The following SHLD1 variants were observed in gnomAD, a reference collection of about 807,000 sequenced individuals.
SHLD1 encodes the protein RINN1-REV7-interacting novel NHEJ regulator 3.
SHLD1 carries 3 observed loss-of-function variants against 5.5 expected under a neutral mutation model. The observed-to-expected ratio is 0.54, with a 90% CI of 0.25 to 1.40. The LOEUF is 1.40. SHLD1 is among the 40% of genes most tolerant of loss of function. The pLI is 0.15. For synonymous variants in SHLD1, 92 were observed against 94.3 expected (o/e 0.98, Z 0.14); for missense variants, 210 against 244.4 (o/e 0.86, Z 0.94).
intron 2 of SHLD1, among the ~76,000 whole-genome samples, chr20:5,836,084 G>T (rs963744997): frequency 1.3e-5 from 2 of 150,968 alleles, no homozygotes; most frequent in Non-Finnish European, 2.9e-5. Context: ...TCGTTGCCTT[G>T]ACAACTGGTT....
In SHLD1 at chr20:5,863,425, C is replaced by T. The variant is rs183136658; in HGVS notation, c.580C>T (p.His194Tyr). The change falls in exon 3 of 3, where the codon CAT becomes TAT. Residue 194 changes from histidine to tyrosine, a missense_variant. Physicochemically the swap from His to Tyr is moderately conservative, Grantham distance 83. Coordinates refer to ENST00000303142, the MANE Select transcript of SHLD1 (RefSeq NM_152504.4). ...PNPGLSKDIT[H>Y]FLLQQNVMKD... ...CCCAGGACTGTCAAAGGATATTACT[C>T]ATTTCCTCTTGCAGCAGAATGTAAT... is the stretch of plus-strand genomic sequence containing the variant. 6.2e-7 allele frequency: 1 copy of T among 1,610,760 alleles called. No individual in the cohort carries two copies. Among genetic ancestry groups the T allele is most frequent in the Non-Finnish European group, 8.5e-7 (1 of 1,178,550 alleles).
intron 2 of SHLD1, among the ~76,000 whole-genome samples, chr20:5,784,672 G>A (rs1263734381): frequency 2.6e-5 from 4 of 151,858 alleles, no homozygotes; most frequent in East Asian, 1.9e-4. Context: ...GGTTGGTCTC[G>A]ATCGCCTGAC....
intron 2 of SHLD1, among the ~76,000 whole-genome samples, chr20:5,785,721 G>A (rs2087050210): frequency 6.6e-6 from 1 of 151,386 alleles, no homozygotes; most frequent in African/African-American, 2.4e-5. Flanking sequence ...GCTTGAACCC[G>A]GGAGACAGAG....
chr20:5,862,881 T>TCGG, intron 2 of SHLD1, 143 bp from the exon 3 acceptor site: 2 of 726,308 alleles, frequency 2.8e-6, no homozygotes, highest in South Asian at 1.9e-5. Context: ...AGAACAGATT[T>TCGG]TGAAATCAGC....
intron 2 of SHLD1, among the ~76,000 whole-genome samples, chr20:5,803,913 G>A (rs967270614): frequency 2.5e-4 from 38 of 151,318 alleles, no homozygotes; most frequent in African/African-American, 8.7e-4. Flanking sequence ...AAACAAGAAT[G>A]ACGAAAGAGC....
At chr20:5,792,227 C>T (rs2087151210) in intron 2 of SHLD1, among the ~76,000 whole-genome samples, 2 of 152,106 alleles carry the variant, frequency 1.3e-5, no homozygotes, top group Non-Finnish European at 2.9e-5. Flanking sequence ...GCTTTTGTTT[C>T]CTGTACTTTC....
rs1202081204 is a variant in SHLD1, at chr20:5,789,199, A to G, written c.178+16156A>G. On this transcript the variant is annotated intron_variant, in intron 2 of 2. Transcript: ENST00000303142. Reference sequence around the variant, plus strand: ...ATTTTTCTTTATACGTTTGCCAATAAAAGTTGTGCTTTTTTTTTTTTTTTT... The same window carrying G: ...ATTTTTCTTTATACGTTTGCCAATAGAAGTTGTGCTTTTTTTTTTTTTTTT... 5.0e-5 allele frequency among the ~76,000 whole-genome samples: 4 copies of G among 80,338 alleles called. No homozygotes were observed. In the East Asian group the frequency reaches 1.7e-3, roughly 35 times the overall value. The allele number at this position is 80,338 out of a possible 152,430, so 52.7% of individuals were successfully genotyped here.
intron 2 of SHLD1, among the ~76,000 whole-genome samples, chr20:5,790,228 G>A (rs2087119574): frequency 6.6e-6 from 1 of 152,140 alleles, no homozygotes; most frequent in Non-Finnish European, 1.5e-5. Flanking sequence ...CTCCCAGGGA[G>A]CCTGAAACTT....
At chr20:5,821,558 A>G (rs2122413194) in intron 2 of SHLD1, among the ~76,000 whole-genome samples, 1 of 152,172 alleles carries the variant, frequency 6.6e-6, no homozygotes, top group East Asian at 1.9e-4. Flanking sequence ...AGTATACTGG[A>G]TATTGAGGGA....
At chr20:5,754,974 T>G (rs1983983824) in intron 1 of SHLD1, among the ~76,000 whole-genome samples, 1 of 151,886 alleles carries the variant, frequency 6.6e-6, no homozygotes, top group Non-Finnish European at 1.5e-5. Flanking sequence ...GAGAATTGGT[T>G]GAACCTGGGA....
At chr20:5,850,682 T>C (rs1039349628) in intron 2 of SHLD1, among the ~76,000 whole-genome samples, 27 of 152,048 alleles carry the variant, frequency 1.8e-4, no homozygotes, top group African/African-American at 4.8e-4. Flanking sequence ...AGCTAATTTT[T>C]GTATTTTTAG....
intron 2 of SHLD1, among the ~76,000 whole-genome samples, chr20:5,791,369 G>C (rs1401010267): frequency 6.6e-6 from 1 of 152,044 alleles, no homozygotes; most frequent in Non-Finnish European, 1.5e-5. Context: ...TTCAAGACCA[G>C]TCTGGGTAAC....
At chr20:5,768,313 G>A (rs1197997402) in intron 1 of SHLD1, among the ~76,000 whole-genome samples, 1 of 152,172 alleles carries the variant, frequency 6.6e-6, no homozygotes, top group East Asian at 1.9e-4. Context: ...ATACGCTGTG[G>A]CACTGTGCTT....
chr20:5,764,498 A>G (rs2122213331), intron 1 of SHLD1, among the ~76,000 whole-genome samples: 1 of 144,404 alleles, frequency 6.9e-6, no homozygotes, highest in Admixed American at 7.3e-5. Context: ...ATTCAAGACC[A>G]GCCTGGGCAA....
chr20:5,836,509 G>A lies in SHLD1; in HGVS notation c.179-26515G>A, dbSNP rs535733350. ...TTGCTCCCATGGCTCTAGCCACAGT[G>A]GCCTCTCATCCTTGCAAAGCTGTTC... On this transcript the variant is annotated intron_variant, in intron 2 of 2. Transcript: ENST00000303142. 3.3e-5 allele frequency among the ~76,000 whole-genome samples: 5 copies of A among 152,278 alleles called. No individual in the cohort carries two copies. In the South Asian group the frequency reaches 6.2e-4, roughly 19 times the overall value.
At position 5,858,493 on chromosome 20, in the gene SHLD1, C is replaced by T. The variant is rs6053747; in HGVS notation, c.179-4531C>T. ...TGACTGTCTTCTGAATTCAAATAAG[C>T]ACCTACAACTCCTAAATATATAAAA... is the stretch of plus-strand genomic sequence containing the variant. On this transcript the variant is annotated intron_variant, in intron 2 of 2. Transcript: ENST00000303142. 2.0e-3 allele frequency among the ~76,000 whole-genome samples: 304 copies of T among 152,276 alleles called. 1 individual carries two copies. Among genetic ancestry groups the T allele is most frequent in the African/African-American group, 6.7e-3 (278 of 41,534 alleles).
intron 2 of SHLD1, among the ~76,000 whole-genome samples, chr20:5,829,030 T>C (rs1291235760): frequency 6.6e-6 from 1 of 152,120 alleles, no homozygotes; most frequent in African/African-American, 2.4e-5. Flanking sequence ...TGCACCACCA[T>C]GCCTGGCTCA....
intron 2 of SHLD1, among the ~76,000 whole-genome samples, chr20:5,791,962 G>A (rs1271638419): frequency 6.6e-6 from 1 of 152,126 alleles, no homozygotes; most frequent in Non-Finnish European, 1.5e-5. Flanking sequence ...TGGTAACGTT[G>A]AACATATTTT....
At chr20:5,862,573 G>A (rs1194283143) in intron 2 of SHLD1, among the ~76,000 whole-genome samples, 11 of 152,236 alleles carry the variant, frequency 7.2e-5, no homozygotes, top group Non-Finnish European at 1.0e-4. Flanking sequence ...CACCTTCCCA[G>A]TTTGGGGGTG....
Sources: gnomAD v4.1 joint callset for allele counts (sites outside exome capture counted in the v4.1 genomes callset) on GRCh38, gnomAD v4.1.1 for gene constraint, MANE v1.5 for transcripts, NCBI Gene and HGNC (gene_info 2026-07-23, HGNC 2026-07-21) for gene names.